The following CCDC57 variants were observed in gnomAD, a reference collection of about 807,000 sequenced individuals.
The protein encoded by CCDC57 is coiled-coil domain-containing protein 57.
In CCDC57, 118 loss-of-function variants were observed where a neutral mutation model predicts 118.9. The ratio of observed to expected loss-of-function variants is 0.99; its 90% CI spans 0.86 to 1.16. The LOEUF is 1.16. Ranked by LOEUF, CCDC57 falls within the 50% of genes most tolerant of loss-of-function variation. CCDC57 has a pLI of 0.00. For synonymous variants in CCDC57, 527 were observed against 532.9 expected (o/e 0.99, Z 0.15); for missense variants, 1,300 against 1,320.7 (o/e 0.98, Z 0.24).
intron 19 of CCDC57, chr17:82,113,115 A>T (rs1396857283): frequency 4.2e-6 from 2 of 477,136 alleles, no homozygotes; most frequent in Non-Finnish European, 7.4e-6. Context: ...TCGTCACTAC[A>T]ATTTCAAGAA....
chr17:82,202,967 C>G (rs1420633682), intron 2 of CCDC57, among the ~76,000 whole-genome samples: 1 of 152,180 alleles, frequency 6.6e-6, no homozygotes, highest in African/African-American at 2.4e-5. Context: ...CCTTCCCACC[C>G]AACACCCTGC....
At chr17:82,171,742 G>A in exon 13 of CCDC57, 2 of 1,613,748 alleles carry the variant, frequency 1.2e-6, no homozygotes, top group Non-Finnish European at 8.5e-7. Flanking sequence ...CTGAGACTCA[G>A]CATGAGGTGA....
At chr17:82,140,385 C>A (rs1439855978) in intron 16 of CCDC57, among the ~76,000 whole-genome samples, 4 of 152,038 alleles carry the variant, frequency 2.6e-5, no homozygotes, top group Non-Finnish European at 5.9e-5. Context: ...CACGCCTGAC[C>A]AATTTTTGTA....
intron 18 of CCDC57, 107 bp downstream of exon 17, chr17:82,128,386 G>T: frequency 1.4e-6 from 1 of 707,214 alleles, no homozygotes; most frequent in Non-Finnish European, 2.3e-6. Context: ...ACAAAGGCAG[G>T]CATGCAGAGC....
In CCDC57 at chr17:82,194,049, C is replaced by A; in HGVS notation, c.709G>T (p.Glu237Ter). Residue 237 changes from glutamate (E) to a stop codon, truncating the protein, a stop_gained, in exon 6 of 20, where the codon GAG becomes TAG. Transcript: ENST00000665763. LOFTEE classifies it high-confidence loss of function. ...CGGCTCTGGAGCTTCCTCTCCAGCT[C>A]GGCGTTGGTGGCCTCTGCCCTCTGC... 6.2e-7 allele frequency: 1 copy of A among 1,613,786 alleles called. No individual in the cohort carries two copies. Among genetic ancestry groups the A allele is most frequent in the Non-Finnish European group, 8.5e-7 (1 of 1,179,886 alleles).
chr17:82,143,544 C>A (rs904765797), intron 16 of CCDC57, among the ~76,000 whole-genome samples: 3 of 152,112 alleles, frequency 2.0e-5, no homozygotes, highest in Non-Finnish European at 4.4e-5. Context: ...CACACGCACA[C>A]ACACGTGTCA....
At chr17:82,109,285 G>C (rs903774002) in intron 19 of CCDC57, among the ~76,000 whole-genome samples, 3 of 152,234 alleles carry the variant, frequency 2.0e-5, no homozygotes, top group Non-Finnish European at 4.4e-5. Flanking sequence ...CGTGTGGAGC[G>C]CATGCCTGCG....
rs530551232 is a variant in CCDC57 at position 82,195,685 on chromosome 17, A to G, written c.517-321T>C. ...AGTCAATTCTACCTCTGACAATAACAAACACCAAGATCTTCCAAAACAAGA... is the reference window on the plus strand; with the variant it reads ...AGTCAATTCTACCTCTGACAATAACGAACACCAAGATCTTCCAAAACAAGA... On this transcript the variant is annotated intron_variant, in intron 4 of 19. Coordinates refer to ENST00000665763, the Ensembl canonical transcript of CCDC57. 2.8e-4 allele frequency among the ~76,000 whole-genome samples: 43 copies of G among 152,332 alleles called. 1 individual carries two copies. The South Asian group carries it at 8.1e-3, about 29-fold the overall frequency.
chr17:82,201,701 T>TGGCCTG, exon 3 of CCDC57: 1 of 1,613,930 alleles, frequency 6.2e-7, no homozygotes, highest in South Asian at 1.1e-5. Context: ...TCCCACTCCC[T>TGGCCTG]GGCCTGGGCG....
At chr17:82,169,688 A>C (rs1009419858) in intron 13 of CCDC57, among the ~76,000 whole-genome samples, 2 of 152,308 alleles carry the variant, frequency 1.3e-5, no homozygotes, top group South Asian at 4.1e-4. Context: ...GATTGGTTAC[A>C]CCAAGAGGAC....
At chr17:82,197,140 ACAGCCCCTCGTGACTCCTGCAGACG>A (rs1266132267) in intron 4 of CCDC57, among the ~76,000 whole-genome samples, 41 of 129,006 alleles carry the variant, frequency 3.2e-4, no homozygotes, top group Admixed American at 7.3e-4. Context: ...CTGCAGAGAC[ACAGCCCCTCGTGACTCCTGCAGACG>A]CAGCCCCTCG....
At chr17:82,198,268 G>T in intron 4 of CCDC57, 46 bp downstream of exon 3, 1 of 1,132,910 alleles carries the variant, frequency 8.8e-7, no homozygotes, top group Non-Finnish European at 1.3e-6. Flanking sequence ...TTCACAGTGG[G>T]CAGGCAGGGA....
chr17:82,102,841 C>T (rs1275086287), intron 19 of CCDC57, among the ~76,000 whole-genome samples: 1 of 151,514 alleles, frequency 6.6e-6, no homozygotes, highest in African/African-American at 2.4e-5. Flanking sequence ...GCCGAGATTG[C>T]GCCACTGCAC....
At chr17:82,123,523 T>C (rs1189406068) in intron 19 of CCDC57, among the ~76,000 whole-genome samples, 7 of 151,920 alleles carry the variant, frequency 4.6e-5, no homozygotes, top group Non-Finnish European at 1.0e-4. Flanking sequence ...GAGGAAAAGA[T>C]CAAGAAGGCA....
At position 82,184,023 on chromosome 17, in the gene CCDC57, GCGCGCGCGCA is replaced by G. The variant is rs1159818195; in HGVS notation, c.1053-101_1053-92del. 1.5e-3 allele frequency: 590 copies of G among 383,232 alleles called. 6 individuals carry two copies. In the Admixed American group the frequency reaches 0.021, roughly 14 times the overall value. The allele number at this position is 383,232 out of a possible 1,614,324, so 23.7% of individuals were successfully genotyped here. On this transcript the variant is annotated intron_variant, in intron 8 of 19. Transcript: ENST00000665763. ...CCCCCCAGCAAATACACATGCGCGC[GCGCGCGCGCA>G]CACACACACACACACACACACACAC...
intron 17 of CCDC57, among the ~76,000 whole-genome samples, chr17:82,132,118 C>CAAAAAAAAA (rs58856013): frequency 2.9e-5 from 3 of 101,918 alleles, no homozygotes; most frequent in African/African-American, 7.3e-5. Flanking sequence ...GACTCTGTCT[C>CAAAAAAAAA]AAAAAAAAAA....
chr17:82,201,551 C>G (rs2048999081), exon 3 of CCDC57: 1 of 1,606,798 alleles, frequency 6.2e-7, no homozygotes, highest in East Asian at 2.2e-5. Context: ...TGGACGCGCT[C>G]CAGCTCCAGG....
At chr17:82,125,216 A>G (rs2037254642) in intron 19 of CCDC57, among the ~76,000 whole-genome samples, 1 of 152,176 alleles carries the variant, frequency 6.6e-6, no homozygotes. Flanking sequence ...TGGGGGAACC[A>G]GACTCAGACA....
At chr17:82,148,375 G>A (rs1300010437) in intron 16 of CCDC57, among the ~76,000 whole-genome samples, 1 of 9,974 alleles carries the variant, frequency 1.0e-4, no homozygotes, top group Non-Finnish European at 1.9e-4. Flanking sequence ...GTGGATGGGT[G>A]GGTGGGTGAA....
Sources: allele counts gnomAD v4.1 joint callset (sites outside exome capture counted in the v4.1 genomes callset), GRCh38; gene constraint gnomAD v4.1.1; transcripts MANE v1.5; gene names NCBI Gene and HGNC (gene_info 2026-07-23, HGNC 2026-07-21).